Variants in C16orf78 observed in about 807,000 individuals in gnomAD.
The protein encoded by C16orf78 is uncharacterized protein C16orf78.
In C16orf78, 19 loss-of-function variants were observed where a neutral mutation model predicts 27.3. That is an observed-to-expected ratio of 0.70 (90% CI 0.49 to 1.02). The LOEUF is 1.02. C16orf78 is among the 50% of genes least tolerant of loss of function. The probability of loss-of-function intolerance (pLI) is 0.00; values close to 1 mark genes in which losing one functional copy is unlikely to be tolerated. For missense variants in C16orf78, 339 were observed against 337.0 expected, an observed-to-expected ratio of 1.01 and a Z score of -0.05; for synonymous variants, 130 against 116.1, an observed-to-expected ratio of 1.12 and a Z score of -0.77.
chr16:49,377,262 T>C (rs1485405873), intron 1 of C16orf78, among the ~76,000 whole-genome samples: 1 of 151,878 alleles, frequency 6.6e-6, no homozygotes, highest in Non-Finnish European at 1.5e-5. Flanking sequence ...CAGGATGGGG[T>C]GGGCCTGGGG....
At chr16:49,381,524 G>A (rs959516156) in intron 3 of C16orf78, among the ~76,000 whole-genome samples, 1 of 152,006 alleles carries the variant, frequency 6.6e-6, no homozygotes, top group African/African-American at 2.4e-5. Flanking sequence ...ATCTGACAAA[G>A]GGCTAATATC....
chr16:49,382,790 A>G (rs146744537), intron 3 of C16orf78, among the ~76,000 whole-genome samples: 7 of 152,060 alleles, frequency 4.6e-5, no homozygotes, highest in African/African-American at 1.7e-4. Context: ...CCCTCTTCCT[A>G]TCTCTTTCCT....
rs377208417 is a variant in C16orf78 at position 49,396,713 on chromosome 16, G to A, written c.650+35G>A. On this transcript the variant is annotated intron_variant, in intron 4 of 4. Coordinates refer to ENST00000299191, the MANE Select transcript of C16orf78 (RefSeq NM_144602.4). ...GCCACCCCCTGGGCAGATGGGGTGG[G>A]GTCCTGGAACAGGCTTTGCTCACTC... is the stretch of plus-strand genomic sequence containing the variant. The A allele has an allele frequency of 2.3e-5, 36 of 1,592,738 alleles. No homozygotes were observed. In the African/African-American group the frequency reaches 4.8e-4, roughly 21 times the overall value.
At chr16:49,388,125 G>GA (rs374634564) in intron 3 of C16orf78, among the ~76,000 whole-genome samples, 27 of 151,904 alleles carry the variant, frequency 1.8e-4, no homozygotes, top group African/African-American at 6.0e-4. Flanking sequence ...TCTCTATTAA[G>GA]AAAAAAAAAT....
At chr16:49,390,552 G>A (rs954744504) in intron 3 of C16orf78, among the ~76,000 whole-genome samples, 3 of 151,938 alleles carry the variant, frequency 2.0e-5, no homozygotes, top group East Asian at 1.9e-4. Flanking sequence ...TTTTCATCTC[G>A]AGAACTTCAA....
chr16:49,394,842 A>G (rs1035101178), intron 3 of C16orf78, among the ~76,000 whole-genome samples: 3 of 152,120 alleles, frequency 2.0e-5, no homozygotes, highest in Non-Finnish European at 4.4e-5. Flanking sequence ...CTGGTATACT[A>G]GACAACTATA....
rs765158503 is a variant in C16orf78 at position 49,396,566 on chromosome 16, A to C, written c.538A>C (p.Lys180Gln). 1.9e-6 allele frequency: 3 copies of C among 1,614,100 alleles called. No homozygotes were observed. The African/African-American group carries it at 4.0e-5, about 22-fold the overall frequency. ...RATFIRDWSN[K>Q]MPDMAYERKL... ...AACCTTCATAAGAGACTGGTCCAAC[A>C]AGATGCCTGACATGGCTTACGAACG... is the stretch of plus-strand genomic sequence containing the variant. The change falls in exon 4 of 5, where the codon AAG becomes CAG. Residue 180 changes from lysine (K) to glutamine (Q), a missense_variant. By Grantham distance (53) the Lys-to-Gln change is moderately conservative (BLOSUM62 1). Coordinates refer to ENST00000299191, the MANE Select transcript of C16orf78 (RefSeq NM_144602.4).
intron 3 of C16orf78, among the ~76,000 whole-genome samples, chr16:49,380,004 C>T (rs1194856768): frequency 6.6e-6 from 1 of 152,202 alleles, no homozygotes; most frequent in Admixed American, 6.5e-5. Flanking sequence ...TTGGAAGGAT[C>T]AGACTTGCTG....
chr16:49,377,631 G>C lies in C16orf78; in HGVS notation c.151-100G>C, dbSNP rs1279314536. 2.8e-6 allele frequency: 4 copies of C among 1,449,726 alleles called. No homozygotes were observed. In the South Asian group the frequency reaches 5.4e-5, roughly 19 times the overall value. 89.8% of individuals were successfully genotyped at this position (1,449,726 alleles called of 1,614,324 possible). Reference sequence around the variant, plus strand: ...TGTGTGTGCTGAAGCCTGTGGAGGGGAGGGACAGCCCCTCACCTGGGAGCC... The same window carrying C: ...TGTGTGTGCTGAAGCCTGTGGAGGGCAGGGACAGCCCCTCACCTGGGAGCC... On this transcript the variant is annotated intron_variant, in intron 1 of 4. Transcript: ENST00000299191.
rs764061785 is a variant in C16orf78, at chr16:49,374,062, G to A, written c.123G>A (p.Arg41=). ...GTGTGCTGGAGTGGCTGGAGCGGAG[G>A]CAGGGGAAGAAGAAACAAGCTCCCG... ...LTCVLEWLER[R]QGKKKQAPEK... is the part of the protein sequence containing the mutation. Residue 41 remains arginine (R), a synonymous_variant, in exon 1 of 5, where the codon AGG becomes AGA. Transcript: ENST00000299191. 9.3e-6 allele frequency: 15 copies of A among 1,614,052 alleles called. No individual in the cohort carries two copies. Among genetic ancestry groups the A allele is most frequent in the South Asian group, 2.2e-5 (2 of 91,066 alleles).
intron 3 of C16orf78, among the ~76,000 whole-genome samples, chr16:49,391,252 C>A (rs1322241917): frequency 6.6e-6 from 1 of 152,178 alleles, no homozygotes; most frequent in African/African-American, 2.4e-5. Flanking sequence ...CAAAGTAAAT[C>A]TTGGCAAAGT....
intron 4 of C16orf78, among the ~76,000 whole-genome samples, chr16:49,398,116 A>G (rs1277484242): frequency 6.6e-6 from 1 of 152,214 alleles, no homozygotes; most frequent in South Asian, 2.1e-4. Context: ...CTCAGAGGCT[A>G]GGCTGATCAG....
intron 1 of C16orf78, among the ~76,000 whole-genome samples, chr16:49,374,967 A>G (rs1965195864): frequency 6.6e-6 from 1 of 152,230 alleles, no homozygotes; most frequent in Non-Finnish European, 1.5e-5. Flanking sequence ...ATTACTAATA[A>G]CAATGCTCAA....
At chr16:49,397,865 A>C (rs965787696) in intron 4 of C16orf78, among the ~76,000 whole-genome samples, 1 of 152,180 alleles carries the variant, frequency 6.6e-6, no homozygotes, top group Non-Finnish European at 1.5e-5. Flanking sequence ...TCCCAGGTTC[A>C]AGCCACTCTC....
chr16:49,380,419 C>T (rs1378502230), intron 3 of C16orf78, among the ~76,000 whole-genome samples: 1 of 152,180 alleles, frequency 6.6e-6, no homozygotes. Context: ...TGGGAAGCCC[C>T]ATACCTTCCC....
Position 49,377,826 on chromosome 16 carries a change from CA to C in C16orf78, c.247del (p.Arg83GlyfsTer10). 11 of 1,582,308 alleles carry C rather than the reference CA, an allele frequency of 7.0e-6. No individual in the cohort carries two copies. The highest frequency in any genetic ancestry group is 9.5e-6 in the Non-Finnish European group (11 of 1,163,008). ...TCATGACAGCACGGGGAGGGAACCG[CA>C]GGGACACGGAGACTTCCCAGCAGGT... ...GLMTARGGNRRDTETSQQALG... is the reference protein window; with the variant it reads ...GLMTARGGNRXDTETSQQALG... On this transcript the variant is annotated frameshift_variant, in exon 2 of 5. Transcript: ENST00000299191. LOFTEE classifies it high-confidence loss of function.
intron 3 of C16orf78, among the ~76,000 whole-genome samples, chr16:49,389,589 C>G (rs979388977): frequency 1.7e-4 from 26 of 152,144 alleles, no homozygotes; most frequent in Non-Finnish European, 4.4e-5. Flanking sequence ...GGGCGAGACT[C>G]TGTATTAAAA....
In C16orf78 at chr16:49,377,742, CA is replaced by C. The variant is rs1204142113; in HGVS notation, c.165del (p.Val56TrpfsTer2). 1 of 1,603,842 alleles carries C rather than the reference CA, an allele frequency of 6.2e-7. No individual in the cohort carries two copies. The highest frequency in any genetic ancestry group is 8.5e-7 in the Non-Finnish European group (1 of 1,175,496). The part of the protein sequence containing the change: ...KKQAPEKQKP[K>X]VVTVLKRNKK... ...CCTTGTCTTTTCAGAAGCAAAAGCC[CA>C]AAGTGGTGACAGTCCTTAAACGAAA... On this transcript the variant is annotated frameshift_variant, in exon 2 of 5. Coordinates refer to ENST00000299191, the MANE Select transcript of C16orf78 (RefSeq NM_144602.4). LOFTEE classifies it high-confidence loss of function.
chr16:49,397,089 A>G (rs1050060129), intron 4 of C16orf78, among the ~76,000 whole-genome samples: 6 of 152,188 alleles, frequency 3.9e-5, no homozygotes, highest in African/African-American at 1.4e-4. Context: ...TACCTGCTGC[A>G]TGTTTGGACT....
Sources: gnomAD v4.1 joint callset for allele counts (sites outside exome capture counted in the v4.1 genomes callset) on GRCh38, gnomAD v4.1.1 for gene constraint, MANE v1.5 for transcripts, NCBI Gene and HGNC (gene_info 2026-07-23, HGNC 2026-07-21) for gene names.